The following ZNF385D variants were observed in gnomAD, a reference collection of about 807,000 sequenced individuals.
ZNF385D encodes the protein zinc finger protein 385D, also known as zinc finger protein 659.
In ZNF385D, 15 loss-of-function variants were observed where a neutral mutation model predicts 35.8. The observed-to-expected ratio is 0.42, with a 90% CI of 0.28 to 0.64. The LOEUF (loss-of-function observed/expected upper bound fraction) is 0.64, where lower values mean the gene tolerates loss of function less well. ZNF385D is among the 30% of genes least tolerant of loss of function. ZNF385D has a pLI of 0.23. For missense variants in ZNF385D, 474 were observed against 494.6 expected (o/e 0.96, Z 0.39); for synonymous variants, 212 against 186.8 (o/e 1.13, Z -1.10).
chr3:21,559,428 T>A (rs200362598), intron 3 of ZNF385D, among the ~76,000 whole-genome samples: 3 of 152,194 alleles, frequency 2.0e-5, no homozygotes, highest in Non-Finnish European at 4.4e-5. Context: ...AAGCTTAGTT[T>A]GCCTGGATAG....
At chr3:21,941,549 A>C (rs759531063) in intron 3 of ZNF385D, among the ~76,000 whole-genome samples, 3 of 132,776 alleles carry the variant, frequency 2.3e-5, no homozygotes, top group Non-Finnish European at 4.6e-5. Context: ...GCAGGCTGGA[A>C]TGCAGTGGCA....
At chr3:21,434,391 T>A (rs554716266) in intron 5 of ZNF385D, among the ~76,000 whole-genome samples, 1 of 152,302 alleles carries the variant, frequency 6.6e-6, no homozygotes, top group Admixed American at 6.5e-5. Context: ...CCTACATCTG[T>A]GGCTAGTATT....
At chr3:21,583,956 T>A (rs1192921819) in intron 2 of ZNF385D, among the ~76,000 whole-genome samples, 2 of 114,494 alleles carry the variant, frequency 1.7e-5, no homozygotes, top group Non-Finnish European at 3.4e-5. Context: ...TTTTACTTAT[T>A]TACTTATTTA....
At chr3:21,866,311 G>A (rs1697357349) in intron 3 of ZNF385D, among the ~76,000 whole-genome samples, 1 of 151,990 alleles carries the variant, frequency 6.6e-6, no homozygotes, top group Non-Finnish European at 1.5e-5. Context: ...AAAATTAGCT[G>A]GGCATGGTGG....
At chr3:21,781,448 A>G (rs2071484787) in intron 3 of ZNF385D, among the ~76,000 whole-genome samples, 1 of 152,048 alleles carries the variant, frequency 6.6e-6, no homozygotes, top group Admixed American at 6.6e-5. Flanking sequence ...GCAAACATTA[A>G]ATGTATCAAA....
intron 3 of ZNF385D, among the ~76,000 whole-genome samples, chr3:21,908,248 T>A (rs1455897777): frequency 6.6e-6 from 1 of 151,832 alleles, no homozygotes; most frequent in Non-Finnish European, 1.5e-5. Flanking sequence ...GAAAATTAGA[T>A]TACTGAATTA....
chr3:21,977,694 T>C (rs9815405), intron 3 of ZNF385D, among the ~76,000 whole-genome samples: 42,462 of 151,578 alleles, frequency 0.28, 6,133 homozygotes, highest in East Asian at 0.33. Context: ...ACAAATTAGC[T>C]GGCATGGTGG....
intron 3 of ZNF385D, among the ~76,000 whole-genome samples, chr3:21,984,731 C>A (rs1458118426): frequency 8.3e-6 from 1 of 120,308 alleles, no homozygotes; most frequent in African/African-American, 3.1e-5. Flanking sequence ...ATGGGGATGG[C>A]ATTGAATCTA....
intron 3 of ZNF385D, among the ~76,000 whole-genome samples, chr3:21,559,175 T>G (rs1350169229): frequency 6.6e-6 from 1 of 152,186 alleles, no homozygotes; most frequent in African/African-American, 2.4e-5. Context: ...CATTTAAGGT[T>G]AATATTGTTA....
chr3:22,063,421 T>G (rs1699785257), intron 3 of ZNF385D, among the ~76,000 whole-genome samples: 1 of 152,150 alleles, frequency 6.6e-6, no homozygotes, highest in Admixed American at 6.6e-5. Flanking sequence ...TCTAAAAGTA[T>G]CATGATACAA....
intron 3 of ZNF385D, among the ~76,000 whole-genome samples, chr3:22,109,194 G>A (rs187402443): frequency 2.2e-3 from 328 of 152,246 alleles, no homozygotes; most frequent in Non-Finnish European, 3.6e-3. Context: ...CTTGCTGATG[G>A]CAGGCCATTT....
intron 2 of ZNF385D, among the ~76,000 whole-genome samples, chr3:22,234,869 T>C (rs1357890504): frequency 6.6e-6 from 1 of 152,078 alleles, no homozygotes; most frequent in African/African-American, 2.4e-5. Flanking sequence ...TCATCAACTA[T>C]CCTGCATTAT....
At chr3:21,850,928 A>G (rs919582039) in intron 3 of ZNF385D, among the ~76,000 whole-genome samples, 1 of 152,102 alleles carries the variant, frequency 6.6e-6, no homozygotes, top group Non-Finnish European at 1.5e-5. Context: ...AAATTCCAGA[A>G]AAACCATTAT....
chr3:22,028,731 C>A (rs1697724108), intron 3 of ZNF385D, among the ~76,000 whole-genome samples: 1 of 152,146 alleles, frequency 6.6e-6, no homozygotes, highest in African/African-American at 2.4e-5. Context: ...CACTTTATGG[C>A]TAAAGAAGTG....
At chr3:21,588,199 AAAT>A (rs1215187415) in intron 2 of ZNF385D, among the ~76,000 whole-genome samples, 11 of 152,142 alleles carry the variant, frequency 7.2e-5, no homozygotes, top group Admixed American at 6.5e-4. Context: ...ACAAGGGAGG[AAAT>A]AATGTTGTTG....
At chr3:21,955,283 T>C (rs1206964919) in intron 3 of ZNF385D, among the ~76,000 whole-genome samples, 1 of 152,094 alleles carries the variant, frequency 6.6e-6, no homozygotes, top group Non-Finnish European at 1.5e-5. Context: ...ATATAGGAGA[T>C]GGAAACTAAA....
At chr3:21,489,626 AT>A (rs1476996636) in intron 4 of ZNF385D, among the ~76,000 whole-genome samples, 1 of 152,042 alleles carries the variant, frequency 6.6e-6, no homozygotes, top group East Asian at 1.9e-4. Flanking sequence ...TTTCAGTGAG[AT>A]TTTGGCTTTT....
intron 3 of ZNF385D, among the ~76,000 whole-genome samples, chr3:21,561,612 C>T (rs1388669687): frequency 2.0e-5 from 3 of 152,052 alleles, no homozygotes; most frequent in African/African-American, 4.8e-5. Flanking sequence ...CAGCAACTGG[C>T]CATTGTAGGG....
chr3:22,199,119 C>CA (rs955982480), intron 2 of ZNF385D, among the ~76,000 whole-genome samples: 1 of 151,862 alleles, frequency 6.6e-6, no homozygotes, highest in African/African-American at 2.4e-5. Context: ...GAAAAGCAGG[C>CA]AAAAAAACCA....
Sources: allele counts gnomAD v4.1 joint callset (sites outside exome capture counted in the v4.1 genomes callset), GRCh38; gene constraint gnomAD v4.1.1; transcripts MANE v1.5; gene names NCBI Gene and HGNC (gene_info 2026-07-23, HGNC 2026-07-21).